Variants in RGS13 observed in about 807,000 individuals in gnomAD.
RGS13 encodes the protein regulator of G-protein signalling 13.
Under a neutral mutation model 19.9 loss-of-function variants are expected in RGS13, and 14 were observed. That is an observed-to-expected ratio of 0.70 (90% CI 0.46 to 1.10). RGS13 has a LOEUF of 1.10. Ranked by LOEUF, RGS13 falls within the 50% of genes least tolerant of loss-of-function variation. The pLI is 0.00. For synonymous variants in RGS13, 60 were observed against 56.8 expected, an observed-to-expected ratio of 1.06 and a Z score of -0.25; for missense variants, 205 against 187.1, an observed-to-expected ratio of 1.10 and a Z score of -0.56.
chr1:192,651,042 A>G (rs750714229), intron 5 of RGS13, among the ~76,000 whole-genome samples: 5 of 152,006 alleles, frequency 3.3e-5, no homozygotes, highest in Non-Finnish European at 7.4e-5. Flanking sequence ...GAGAGTTCAG[A>G]TAGAGGAAAA....
intron 4 of RGS13, chr1:192,647,443 C>T (rs1482119229): frequency 6.6e-6 from 1 of 152,006 alleles, no homozygotes; most frequent in Non-Finnish European, 1.5e-5. Flanking sequence ...CATATTTCAC[C>T]ATCACCATAA....
rs533676366 is a variant in RGS13, at chr1:192,659,821, G to A, written c.*298G>A. On this transcript the variant is annotated 3_prime_UTR_variant, in exon 7 of 7. Coordinates refer to ENST00000391995, the MANE Select transcript of RGS13 (RefSeq NM_002927.5). ...TTTTTACTGTAGTAGTCAATTAATG[G>A]ATATTTCCTTGTTAATAAAATTTTG... 1.4e-5 allele frequency: 3 copies of A among 215,166 alleles called. No homozygotes were observed. The Admixed American group carries it at 1.7e-4, about 13-fold the overall frequency. The allele number at this position is 215,166 out of a possible 1,614,324, so 13.3% of individuals were successfully genotyped here. A position where few individuals can be genotyped will look rare whatever the true frequency, so the allele number is the denominator to read the frequency against.
chr1:192,649,417 G>C (rs1558051594), intron 5 of RGS13, among the ~76,000 whole-genome samples: 1 of 152,042 alleles, frequency 6.6e-6, no homozygotes, highest in Non-Finnish European at 1.5e-5. Context: ...TACAAAATGG[G>C]AATAGTATCA....
Position 192,659,381 on chromosome 1 carries a change from T to C in RGS13, c.338T>C (p.Ile113Thr), listed in dbSNP as rs762958446. The stretch of plus-strand genomic sequence containing the variant: ...ACAAGAGAGACTATCATCAGGAACA[T>C]TCAGGAACCCACTGAAACATGTTTT... Reference protein sequence around the residue: ...SSTRETIIRNIQEPTETCFEE... With the variant: ...SSTRETIIRNTQEPTETCFEE... The change falls in exon 7 of 7, where the codon ATT (isoleucine) becomes ACT (threonine). Residue 113 changes from isoleucine to threonine, a missense_variant. Physicochemically the swap from Ile to Thr is moderately conservative, Grantham distance 89 (BLOSUM62 -1). Coordinates refer to ENST00000391995, the MANE Select transcript of RGS13 (RefSeq NM_002927.5). The C allele has an allele frequency of 1.2e-6, 2 of 1,613,086 alleles. No individual in the cohort carries two copies. The highest frequency in any genetic ancestry group is 4.5e-5 in the East Asian group (2 of 44,718).
At chr1:192,654,934 T>C (rs377583597) in intron 5 of RGS13, among the ~76,000 whole-genome samples, 25 of 152,048 alleles carry the variant, frequency 1.6e-4, no homozygotes, top group African/African-American at 5.6e-4. Context: ...GCAATTCTGA[T>C]GTTTATCATC....
intron 5 of RGS13, among the ~76,000 whole-genome samples, chr1:192,652,256 T>C (rs1432445698): frequency 2.0e-5 from 3 of 152,068 alleles, no homozygotes; most frequent in Non-Finnish European, 4.4e-5. Flanking sequence ...TGGTGCATCT[T>C]CCTCAGCATC....
chr1:192,639,769 T>A (rs983942914), intron 3 of RGS13, among the ~76,000 whole-genome samples: 5 of 152,126 alleles, frequency 3.3e-5, no homozygotes, highest in African/African-American at 1.2e-4. Context: ...CGAGCATATG[T>A]CTGTCTGGCT....
chr1:192,651,323 A>G (rs4517332), intron 5 of RGS13, among the ~76,000 whole-genome samples: 139,679 of 152,108 alleles, frequency 0.92, 64,645 homozygotes, highest in Middle Eastern at 0.98. Context: ...TTTCATGGGT[A>G]TGGTGGAGAT....
At chr1:192,655,089 G>A (rs541642926) in intron 5 of RGS13, among the ~76,000 whole-genome samples, 22 of 152,014 alleles carry the variant, frequency 1.4e-4, no homozygotes, top group Non-Finnish European at 2.8e-4. Flanking sequence ...TGAATCAATC[G>A]AAATTCTAAA....
chr1:192,655,446 C>G (rs912646463), intron 5 of RGS13, among the ~76,000 whole-genome samples: 2 of 152,088 alleles, frequency 1.3e-5, no homozygotes, highest in Non-Finnish European at 1.5e-5. Context: ...TCATTCCAGC[C>G]TTCGGGCTAA....
At chr1:192,659,242 A>G (rs1331078586) in intron 6 of RGS13, 96 bp from the exon 7 acceptor site, 3 of 777,576 alleles carry the variant, frequency 3.9e-6, no homozygotes, top group East Asian at 5.6e-5. Context: ...TATTCCACTG[A>G]AAAGGAGAGC....
intron 5 of RGS13, among the ~76,000 whole-genome samples, chr1:192,655,834 G>A (rs2102038070): frequency 6.6e-6 from 1 of 152,112 alleles, no homozygotes; most frequent in Admixed American, 6.6e-5. Flanking sequence ...TATGTGTGGA[G>A]AGATAGATAG....
At chr1:192,657,494 A>G (rs1200280748) in intron 5 of RGS13, among the ~76,000 whole-genome samples, 2 of 152,098 alleles carry the variant, frequency 1.3e-5, no homozygotes. Flanking sequence ...GTTTAAGATC[A>G]GAGTTGAAGA....
intron 5 of RGS13, among the ~76,000 whole-genome samples, chr1:192,655,318 C>T (rs931831158): frequency 3.9e-5 from 6 of 152,082 alleles, no homozygotes; most frequent in African/African-American, 1.2e-4. Context: ...GTTCAGCTTT[C>T]GCTAGTCATC....
intron 5 of RGS13, among the ~76,000 whole-genome samples, chr1:192,653,597 T>C (rs1249301265): frequency 6.6e-6 from 1 of 152,028 alleles, no homozygotes; most frequent in Non-Finnish European, 1.5e-5. Context: ...TGGCTAAATA[T>C]GTTATGGCCT....
At chr1:192,647,055 A>T (rs918379715) in intron 4 of RGS13, 9 of 152,208 alleles carry the variant, frequency 5.9e-5, no homozygotes, top group African/African-American at 2.2e-4. Context: ...ATACAAAAAA[A>T]TTCTAGCAAG....
intron 4 of RGS13, 174 bp downstream of exon 4, chr1:192,644,573 T>C: frequency 1.8e-6 from 1 of 551,790 alleles, no homozygotes; most frequent in Non-Finnish European, 3.3e-6. Flanking sequence ...ATTCTTGTTT[T>C]CATTATTCAT....
intron 6 of RGS13, chr1:192,659,049 C>T (rs1663553171): frequency 4.0e-6 from 1 of 248,850 alleles, no homozygotes; most frequent in African/African-American, 2.2e-5. Context: ...TAGACTGCTA[C>T]TAAGAAACCA....
At chr1:192,646,497 C>T (rs1020751690) in intron 4 of RGS13, 1 of 152,082 alleles carries the variant, frequency 6.6e-6, no homozygotes, top group African/African-American at 2.4e-5. Context: ...TATTTCCAAC[C>T]TTTATTCTAA....
Sources: allele counts gnomAD v4.1 joint callset (sites outside exome capture counted in the v4.1 genomes callset), GRCh38; gene constraint gnomAD v4.1.1; transcripts MANE v1.5; gene names NCBI Gene and HGNC (gene_info 2026-07-23, HGNC 2026-07-21).